The following WDFY3 variants were observed in gnomAD, a reference collection of about 807,000 sequenced individuals.
WDFY3 encodes the protein WD repeat and FYVE domain containing 3.
In WDFY3, 66 loss-of-function variants were observed where a neutral mutation model predicts 409.6. That is an observed-to-expected ratio of 0.16 (90% CI 0.13 to 0.20). WDFY3 has a LOEUF of 0.20. Among genes scored for constraint, WDFY3 ranks in the 10% least tolerant of loss-of-function variants. The probability of loss-of-function intolerance (pLI) is 1.00; values close to 1 mark genes in which losing one functional copy is unlikely to be tolerated. For missense variants in WDFY3, 3,031 were observed against 4,298.1 expected (o/e 0.71, Z 8.24); for synonymous variants, 1,521 against 1,537.1 (o/e 0.99, Z 0.25).
intron 29 of WDFY3, 48 bp from the exon 30 acceptor site, chr4:84,772,977 C>A: frequency 7.1e-7 from 1 of 1,407,940 alleles, no homozygotes; most frequent in Non-Finnish European, 9.6e-7. Context: ...TTCCTCTTCC[C>A]AAAACAAACA....
chr4:84,879,531 T>C (rs1763207682), intron 3 of WDFY3: 1 of 152,104 alleles, frequency 6.6e-6, no homozygotes, highest in South Asian at 2.1e-4. Flanking sequence ...TCTTTAAAAA[T>C]GTTTAGAAGA....
intron 13 of WDFY3, among the ~76,000 whole-genome samples, chr4:84,810,674 TTCTAG>T (rs1004032911): frequency 1.3e-5 from 2 of 152,310 alleles, no homozygotes; most frequent in African/African-American, 2.4e-5. Flanking sequence ...AAAATATATC[TTCTAG>T]TCTAGTTTTA....
At chr4:84,799,458 C>T (rs1194887979) in intron 17 of WDFY3, among the ~76,000 whole-genome samples, 2 of 151,980 alleles carry the variant, frequency 1.3e-5, no homozygotes, top group Non-Finnish European at 2.9e-5. Flanking sequence ...AGGCATGAGC[C>T]ACACTGCCTG....
chr4:84,739,453 A>G (rs999516537), intron 39 of WDFY3: 2 of 250,166 alleles, frequency 8.0e-6, no homozygotes, highest in African/African-American at 4.5e-5. Context: ...TCCTCTCTCC[A>G]GTCTTATATC....
intron 56 of WDFY3, among the ~76,000 whole-genome samples, chr4:84,701,089 G>A (rs1350078594): frequency 2.0e-5 from 3 of 152,224 alleles, no homozygotes; most frequent in Non-Finnish European, 2.9e-5. Flanking sequence ...CAGCTTGGGC[G>A]ACAGTGCAAG....
chr4:84,959,106 G>A (rs779003697), intron 1 of WDFY3, among the ~76,000 whole-genome samples: 6 of 152,034 alleles, frequency 3.9e-5, no homozygotes, highest in Non-Finnish European at 7.4e-5. Context: ...CTGATATAGC[G>A]CTATCACCCA....
intron 3 of WDFY3, among the ~76,000 whole-genome samples, chr4:84,861,085 C>T (rs186242089): frequency 1.3e-5 from 2 of 152,008 alleles, no homozygotes; most frequent in South Asian, 2.1e-4. Flanking sequence ...GTAGTGTGCG[C>T]GTATAGTCCC....
chr4:84,945,940 T>A (rs776120746), intron 1 of WDFY3, among the ~76,000 whole-genome samples: 1 of 152,058 alleles, frequency 6.6e-6, no homozygotes, highest in Non-Finnish European at 1.5e-5. Context: ...ATGGAGGCTA[T>A]AGAATTGACA....
chr4:84,960,354 T>C (rs1774753731), intron 1 of WDFY3, among the ~76,000 whole-genome samples: 1 of 152,054 alleles, frequency 6.6e-6, no homozygotes, highest in Non-Finnish European at 1.5e-5. Context: ...CTCCACACCA[T>C]ATGTACCTAC....
intron 2 of WDFY3, among the ~76,000 whole-genome samples, chr4:84,929,761 A>G (rs1388867531): frequency 6.6e-6 from 1 of 152,098 alleles, no homozygotes; most frequent in Non-Finnish European, 1.5e-5. Context: ...AATACAAAAA[A>G]TTAGCTGGAT....
At chr4:84,753,980 T>G (rs1740979760) in intron 34 of WDFY3, 104 bp from the exon 35 acceptor site, 2 of 1,273,826 alleles carry the variant, frequency 1.6e-6, no homozygotes, top group Admixed American at 6.8e-5. Flanking sequence ...CTGGATATAT[T>G]GATGGTCCAG....
intron 30 of WDFY3, among the ~76,000 whole-genome samples, chr4:84,766,805 C>T (rs374736371): frequency 6.6e-6 from 1 of 151,980 alleles, no homozygotes; most frequent in African/African-American, 2.4e-5. Context: ...ATTCAGTAAA[C>T]GTAATACATA....
intron 2 of WDFY3, among the ~76,000 whole-genome samples, chr4:84,928,091 C>G (rs769544561): frequency 1.3e-4 from 20 of 152,166 alleles, no homozygotes; most frequent in Non-Finnish European, 2.2e-4. Context: ...TGAGTGGGCA[C>G]TGTCAAATCA....
chr4:84,702,154 CCCA>C (rs558048739), intron 56 of WDFY3, among the ~76,000 whole-genome samples, 196 bp downstream of exon 56: 162 of 152,250 alleles, frequency 1.1e-3, no homozygotes, highest in African/African-American at 3.8e-3. Context: ...ATTACAGGTG[CCCA>C]CCACCACGTC....
intron 62 of WDFY3, among the ~76,000 whole-genome samples, chr4:84,687,336 T>C (rs893893666): frequency 1.3e-5 from 2 of 151,956 alleles, no homozygotes; most frequent in Admixed American, 1.3e-4. Flanking sequence ...AGAGACGGAG[T>C]TTCACCATGT....
chr4:84,919,126 T>C (rs1302856686), intron 2 of WDFY3, among the ~76,000 whole-genome samples: 3 of 152,106 alleles, frequency 2.0e-5, no homozygotes, highest in Admixed American at 6.6e-5. Context: ...AGAGCCAGCA[T>C]GAAGAAGATG....
At chr4:84,901,306 T>G (rs1407335615) in intron 2 of WDFY3, among the ~76,000 whole-genome samples, 5 of 152,146 alleles carry the variant, frequency 3.3e-5, no homozygotes, top group African/African-American at 1.2e-4. Context: ...GACTGGTTCA[T>G]GAGGAATCTG....
intron 57 of WDFY3, 111 bp downstream of exon 57, chr4:84,696,621 C>T: frequency 9.4e-7 from 1 of 1,063,938 alleles, no homozygotes; most frequent in Non-Finnish European, 1.4e-6. Context: ...ATAAGGGGAC[C>T]TGGCTGTATT....
chr4:84,768,371 TA>T (rs1744058608), intron 30 of WDFY3, among the ~76,000 whole-genome samples: 1 of 152,194 alleles, frequency 6.6e-6, no homozygotes, highest in Admixed American at 6.5e-5. Context: ...GGGGAGAAGT[TA>T]ATGCCTGGCT....
Sources: allele counts gnomAD v4.1 joint callset (sites outside exome capture counted in the v4.1 genomes callset), GRCh38; gene constraint gnomAD v4.1.1; transcripts MANE v1.5; gene names NCBI Gene and HGNC (gene_info 2026-07-23, HGNC 2026-07-21).